Variants in PTPN13 observed in about 807,000 individuals in gnomAD.
PTPN13 encodes the protein protein tyrosine phosphatase non-receptor type 13, also known as tyrosine-protein phosphatase non-receptor type 13.
In PTPN13, 191 loss-of-function variants were observed where a neutral mutation model predicts 284.0. The observed-to-expected ratio is 0.67, with a 90% CI of 0.60 to 0.76. PTPN13 has a LOEUF of 0.76. PTPN13 is among the 30% of genes least tolerant of loss of function. The pLI is 0.00. For missense variants in PTPN13, 2,797 were observed against 2,939.9 expected, an observed-to-expected ratio of 0.95 and a Z score of 1.12; for synonymous variants, 986 against 1,022.3, an observed-to-expected ratio of 0.96 and a Z score of 0.68.
intron 30 of PTPN13, among the ~76,000 whole-genome samples, chr4:86,770,432 CTT>C (rs916789572): frequency 1.3e-5 from 2 of 152,096 alleles, no homozygotes; most frequent in African/African-American, 4.8e-5. Context: ...CAAGTACTGA[CTT>C]CAGGCATTTT....
intron 2 of PTPN13, among the ~76,000 whole-genome samples, chr4:86,650,316 C>T (rs541923355): frequency 1.1e-4 from 16 of 151,230 alleles, no homozygotes; most frequent in South Asian, 8.4e-4. Flanking sequence ...GTTGTGTTTT[C>T]GTTTTTTCGT....
At chr4:86,758,203 G>A (rs972685694) in intron 20 of PTPN13, 57 bp from the exon 21 acceptor site, 4 of 1,197,750 alleles carry the variant, frequency 3.3e-6, no homozygotes, top group Admixed American at 2.2e-5. Flanking sequence ...AAAACAAGCT[G>A]ACAGTCTTAA....
At chr4:86,642,319 C>G (rs765222719) in intron 2 of PTPN13, among the ~76,000 whole-genome samples, 2 of 151,726 alleles carry the variant, frequency 1.3e-5, no homozygotes, top group Non-Finnish European at 2.9e-5. Context: ...TGCTTTTCTT[C>G]AATTAGGAAG....
intron 3 of PTPN13, among the ~76,000 whole-genome samples, chr4:86,677,556 A>G (rs956055597): frequency 4.6e-5 from 7 of 151,180 alleles, no homozygotes; most frequent in Non-Finnish European, 1.0e-4. Context: ...CTCGTGATCC[A>G]TCTGCCTCGG....
In PTPN13 at chr4:86,732,722, T is replaced by C. The variant is rs1215010691; in HGVS notation, c.1814T>C (p.Ile605Thr). 5 of 1,613,418 alleles carry C rather than the reference T, an allele frequency of 3.1e-6. No individual in the cohort carries two copies. Among genetic ancestry groups the C allele is most frequent in the African/African-American group, 1.3e-5 (1 of 74,914 alleles). Residue 605 changes from isoleucine (I) to threonine (T), a missense_variant, in exon 12 of 48, where the codon ATT becomes ACT. Transcript: ENST00000411767. The stretch of plus-strand genomic sequence containing the variant: ...GTGTTTGATATGGTTGTGGCACATA[T>C]TGGCTTAGTAGAGCATCATTTGTTT... ...KDVFDMVVAH[I>T]GLVEHHLFAL...
At chr4:86,607,605 C>G (rs1452997520) in intron 1 of PTPN13, among the ~76,000 whole-genome samples, 1 of 151,912 alleles carries the variant, frequency 6.6e-6, no homozygotes, top group Non-Finnish European at 1.5e-5. Context: ...CTGTCCTACT[C>G]CAGTCAGCTA....
intron 1 of PTPN13, among the ~76,000 whole-genome samples, chr4:86,606,891 G>A (rs545598842): frequency 1.3e-5 from 2 of 151,944 alleles, no homozygotes; most frequent in African/African-American, 4.8e-5. Context: ...ATTAATAACT[G>A]TCCATAATGG....
At chr4:86,724,879 A>T (rs998732951) in intron 10 of PTPN13, among the ~76,000 whole-genome samples, 11 of 151,448 alleles carry the variant, frequency 7.3e-5, no homozygotes, top group African/African-American at 2.4e-4. Flanking sequence ...CAGGTTTGTT[A>T]TGTAGGTAGA....
Position 86,809,797 on chromosome 4 carries a change from T to G in PTPN13, c.7112T>G (p.Leu2371Arg), listed in dbSNP as rs1429235060. ...AGAGAGGTGCGCCATATTTCTCATC[T>G]GAATTTCACTGCCTGGCCAGACCAT... ...QTREVRHISH[L>R]NFTAWPDHDT... is the part of the protein sequence containing the mutation. Residue 2371 changes from leucine (L) to arginine (R), a missense_variant, in exon 46 of 48, where the codon CTG (leucine) becomes CGG (arginine). Physicochemically the swap from Leu to Arg is moderately radical, Grantham distance 102. Transcript: ENST00000411767. 2 of 1,614,062 alleles carry G rather than the reference T, an allele frequency of 1.2e-6. No individual in the cohort carries two copies. The highest frequency in any genetic ancestry group is 1.7e-6 in the Non-Finnish European group (2 of 1,179,892).
chr4:86,739,305 G>A (rs182154347), intron 15 of PTPN13, among the ~76,000 whole-genome samples: 44 of 152,236 alleles, frequency 2.9e-4, no homozygotes, highest in African/African-American at 1.0e-3. Flanking sequence ...TCACACTGCT[G>A]ATAAAGACAT....
At chr4:86,755,752 A>G (rs1737893532) in intron 20 of PTPN13, among the ~76,000 whole-genome samples, 1 of 152,064 alleles carries the variant, frequency 6.6e-6, no homozygotes, top group Non-Finnish European at 1.5e-5. Context: ...AGTTAACATA[A>G]GTGTTCTGAG....
intron 20 of PTPN13, among the ~76,000 whole-genome samples, chr4:86,755,789 C>G (rs1267897192): frequency 6.6e-6 from 1 of 151,952 alleles, no homozygotes; most frequent in Non-Finnish European, 1.5e-5. Flanking sequence ...TAGGCTAAAG[C>G]TGGGATGTTT....
chr4:86,689,597 A>G (rs1729807953), intron 5 of PTPN13: 4 of 699,164 alleles, frequency 5.7e-6, no homozygotes, highest in African/African-American at 1.8e-5. Flanking sequence ...TTTCGTGACC[A>G]CTCATTTGTC....
chr4:86,601,741 T>C (rs1003966288), intron 1 of PTPN13, among the ~76,000 whole-genome samples: 4 of 152,170 alleles, frequency 2.6e-5, no homozygotes. Context: ...AATACTGCTG[T>C]TCTTCCACCG....
At chr4:86,761,370 C>G (rs1738678064) in intron 23 of PTPN13, among the ~76,000 whole-genome samples, 2 of 151,862 alleles carry the variant, frequency 1.3e-5, no homozygotes, top group Admixed American at 1.3e-4. Flanking sequence ...AGCTATAATT[C>G]TATTATAAAT....
At chr4:86,730,097 T>C (rs1343256806) in intron 10 of PTPN13, among the ~76,000 whole-genome samples, 2 of 149,822 alleles carry the variant, frequency 1.3e-5, no homozygotes, top group Admixed American at 1.3e-4. Flanking sequence ...GCTGCAGGTC[T>C]GTTGGAGTTT....
chr4:86,629,903 C>T lies in PTPN13; in HGVS notation c.-5-5349C>T, dbSNP rs114459476. 8.5e-3 allele frequency among the ~76,000 whole-genome samples: 1,288 copies of T among 151,854 alleles called. 6 individuals carry two copies. The highest frequency in any genetic ancestry group is 0.031 in the South Asian group (147 of 4,806). ...TCTCAGGTAGCTGGGACTACAGGCA[C>T]GCACCATCATGTTCAGCTAATTTTT... On this transcript the variant is annotated intron_variant, in intron 1 of 47. Coordinates refer to ENST00000411767, the MANE Select transcript of PTPN13 (RefSeq NM_080683.3).
intron 27 of PTPN13, among the ~76,000 whole-genome samples, chr4:86,766,944 G>A (rs1412902901): frequency 3.9e-5 from 6 of 152,118 alleles, no homozygotes; most frequent in Non-Finnish European, 7.4e-5. Flanking sequence ...TTTTGAGACA[G>A]GGTGTTGCTG....
Position 86,717,029 on chromosome 4 carries a change from A to C in PTPN13, c.1297A>C (p.Arg433=). The change falls in exon 9 of 48, where the codon AGA becomes CGA. Residue 433 remains arginine (R), a synonymous_variant. Transcript: ENST00000411767. ...SSESDFRQVR[R]SEASKRFESS... ...TCTTTTTCATTCATAATTAGTGAGA[A>C]GAAGTGAAGCCTCAAAGAGGTTTGA... is the stretch of plus-strand genomic sequence containing the variant. 6.2e-7 allele frequency: 1 copy of C among 1,610,310 alleles called. No individual in the cohort carries two copies. Among genetic ancestry groups the C allele is most frequent in the Non-Finnish European group, 8.5e-7 (1 of 1,177,364 alleles).
Sources: allele counts gnomAD v4.1 joint callset (sites outside exome capture counted in the v4.1 genomes callset), GRCh38; gene constraint gnomAD v4.1.1; transcripts MANE v1.5; gene names NCBI Gene and HGNC (gene_info 2026-07-23, HGNC 2026-07-21).